The following ARHGEF9 variants were observed in gnomAD, a reference collection of about 807,000 sequenced individuals.
The protein encoded by ARHGEF9 is rho guanine nucleotide exchange factor 9.
Under a neutral mutation model 41.3 loss-of-function variants are expected in ARHGEF9, and 2 were observed. The ratio of observed to expected loss-of-function variants is 0.05; its 90% CI spans 0.02 to 0.15. ARHGEF9 has a LOEUF of 0.15. Among genes scored for constraint, ARHGEF9 ranks in the 10% least tolerant of loss-of-function variants. ARHGEF9 has a pLI of 1.00. For missense variants in ARHGEF9, 225 were observed against 424.7 expected, an observed-to-expected ratio of 0.53 and a Z score of 4.13; for synonymous variants, 160 against 154.4, an observed-to-expected ratio of 1.04 and a Z score of -0.27.
chrX:63,651,901 A>C (rs1479977936), intron 8 of ARHGEF9, among the ~76,000 whole-genome samples: 2 of 110,504 alleles, frequency 1.8e-5, no homozygotes, highest in East Asian at 5.7e-4. Context: ...GCCATTAAGC[A>C]TATGAAAAAA....
chrX:63,753,040 C>CA (rs1368834395), intron 1 of ARHGEF9, among the ~76,000 whole-genome samples: 7 of 111,943 alleles, frequency 6.3e-5, no homozygotes, highest in Non-Finnish European at 1.3e-4. Flanking sequence ...AATCAAAACG[C>CA]AAAAAAACAA....
intron 1 of ARHGEF9, chrX:63,755,759 C>T (rs1260593682): frequency 1.7e-6 from 1 of 573,617 alleles, no homozygotes; most frequent in Non-Finnish European, 2.1e-6. Flanking sequence ...GTGTTGTGGA[C>T]AGAATCACAG....
intron 7 of ARHGEF9, 96 bp from the exon 8 acceptor site, chrX:63,655,833 T>G: frequency 3.7e-6 from 4 of 1,086,418 alleles, no homozygotes; most frequent in Non-Finnish European, 5.0e-6. Context: ...ACTGTCACCG[T>G]TTTGAAGTAC....
chrX:63,771,487 C>T (rs1340797320), intron 1 of ARHGEF9, among the ~76,000 whole-genome samples: 5 of 111,564 alleles, frequency 4.5e-5, no homozygotes, highest in Non-Finnish European at 9.4e-5. Flanking sequence ...TTTTAATAGA[C>T]GAGATTTACG....
At chrX:63,777,184 C>T (rs1296702570) in intron 1 of ARHGEF9, among the ~76,000 whole-genome samples, 8 of 111,426 alleles carry the variant, frequency 7.2e-5, no homozygotes, top group South Asian at 3.9e-4. Flanking sequence ...CTTACAATCA[C>T]GGCAGAAGGG....
At position 63,676,559 on chromosome X, in the gene ARHGEF9, C is replaced by T. The variant is rs782069578; in HGVS notation, c.815+1781G>A. 9.6e-4 allele frequency among the ~76,000 whole-genome samples: 108 copies of T among 112,021 alleles called. 1 individual carries two copies. Among genetic ancestry groups the T allele is most frequent in the African/African-American group, 3.3e-3 (102 of 30,778 alleles). ...GATCTTTTGGGCTCTGTGACATCAC[C>T]GAAGTTTCTCCTTGGCAAGATGTCT... On this transcript the variant is annotated intron_variant, in intron 5 of 9. Coordinates refer to ENST00000671741, the MANE Select transcript of ARHGEF9 (RefSeq NM_001353921.2).
intron 3 of ARHGEF9, among the ~76,000 whole-genome samples, chrX:63,703,941 A>G (rs1340474490): frequency 1.8e-5 from 2 of 111,329 alleles, no homozygotes; most frequent in Admixed American, 1.9e-4. Flanking sequence ...CTAAGGGAGG[A>G]ATATATTAGT....
At chrX:63,638,231 A>G in intron 9 of ARHGEF9, 22 bp from the exon 10 acceptor site, 1 of 1,157,046 alleles carries the variant, frequency 8.6e-7, no homozygotes, top group South Asian at 1.9e-5. Context: ...GAGAGATCAA[A>G]GGGAAAGGGT....
intron 1 of ARHGEF9, among the ~76,000 whole-genome samples, chrX:63,762,891 G>A (rs1556450226): frequency 8.9e-6 from 1 of 112,013 alleles, no homozygotes; most frequent in Admixed American, 9.5e-5. Context: ...CACTGAGAAT[G>A]AAGATCTTTG....
intron 6 of ARHGEF9, among the ~76,000 whole-genome samples, chrX:63,666,326 C>CCTCT (rs368308422): frequency 8.4e-5 from 8 of 95,213 alleles, no homozygotes; most frequent in African/African-American, 1.2e-4. Flanking sequence ...TCTGTGTCTG[C>CCTCT]CTCTCTCTCT....
chrX:63,756,137 C>T (rs782778900), intron 1 of ARHGEF9, among the ~76,000 whole-genome samples: 2 of 111,800 alleles, frequency 1.8e-5, no homozygotes, highest in Non-Finnish European at 3.8e-5. Context: ...GGTCTGTCTT[C>T]TGTCTCCCTC....
intron 1 of ARHGEF9, among the ~76,000 whole-genome samples, chrX:63,779,907 C>A (rs73225271): frequency 9.0e-6 from 1 of 111,694 alleles, no homozygotes; most frequent in African/African-American, 3.3e-5. Context: ...TTTAGGTGTA[C>A]ACTTGCCACC....
intron 1 of ARHGEF9, among the ~76,000 whole-genome samples, chrX:63,765,217 G>T (rs1263805081): frequency 1.8e-5 from 2 of 110,705 alleles, no homozygotes; most frequent in African/African-American, 6.6e-5. Flanking sequence ...GTGGTTGCCA[G>T]TCTATCATGA....
chrX:63,748,465 T>A (rs1426275279), intron 1 of ARHGEF9, among the ~76,000 whole-genome samples: 4 of 111,413 alleles, frequency 3.6e-5, no homozygotes, highest in Non-Finnish European at 5.7e-5. Flanking sequence ...GAAGAAAAAA[T>A]TTTAAAATCC....
chrX:63,652,886 T>C (rs1232046895), intron 8 of ARHGEF9, among the ~76,000 whole-genome samples: 3 of 110,603 alleles, frequency 2.7e-5, no homozygotes, highest in Admixed American at 9.6e-5. Context: ...CGAGATCTGA[T>C]GGTTTAAAAG....
intron 2 of ARHGEF9, chrX:63,713,104 G>T (rs1441738209): frequency 8.9e-6 from 1 of 111,745 alleles, no homozygotes; most frequent in Non-Finnish European, 1.9e-5. Context: ...CTCCAGCAGT[G>T]TAATATTTCT....
At chrX:63,729,357 G>A (rs1200114316) in intron 1 of ARHGEF9, among the ~76,000 whole-genome samples, 1 of 111,181 alleles carries the variant, frequency 9.0e-6, no homozygotes, top group African/African-American at 3.3e-5. Flanking sequence ...GTGAGGTAAG[G>A]AACAGAAAAA....
At chrX:63,677,538 C>A (rs1286525176) in intron 5 of ARHGEF9, among the ~76,000 whole-genome samples, 18 of 111,129 alleles carry the variant, frequency 1.6e-4, no homozygotes, top group African/African-American at 5.9e-4. Context: ...CTGAGACCTG[C>A]CAAAAGGGGT....
intron 1 of ARHGEF9, among the ~76,000 whole-genome samples, chrX:63,728,773 C>T (rs2054121605): frequency 2.7e-5 from 3 of 111,775 alleles, no homozygotes; most frequent in African/African-American, 9.8e-5. Context: ...AGGTTGATTA[C>T]ACATGGGTAT....
Sources: allele counts gnomAD v4.1 joint callset (sites outside exome capture counted in the v4.1 genomes callset), GRCh38; gene constraint gnomAD v4.1.1; transcripts MANE v1.5; gene names NCBI Gene and HGNC (gene_info 2026-07-23, HGNC 2026-07-21).